The following GRID2 variants were observed in gnomAD, a reference collection of about 807,000 sequenced individuals.
The protein encoded by GRID2 is glutamate ionotropic receptor delta type subunit 2, also known as glutamate receptor ionotropic, delta-2.
A neutral mutation model predicts 114.8 loss-of-function variants in GRID2; 33 were observed. The observed-to-expected ratio is 0.29, with a 90% confidence interval of 0.22 to 0.38. The LOEUF (loss-of-function observed/expected upper bound fraction) is 0.38, where lower values mean the gene tolerates loss of function less well. Ranked by LOEUF, GRID2 falls within the 10% of genes least tolerant of loss-of-function variation. The pLI, the probability that GRID2 is intolerant of heterozygous loss-of-function variation, is 1.00. For synonymous variants in GRID2, 505 were observed against 449.9 expected, an observed-to-expected ratio of 1.12 and a Z score of -1.55; for missense variants, 1,184 against 1,257.7, an observed-to-expected ratio of 0.94 and a Z score of 0.89.
chr4:93,132,789 GA>G (rs1734918156), intron 4 of GRID2, among the ~76,000 whole-genome samples: 1 of 152,156 alleles, frequency 6.6e-6, no homozygotes, highest in Admixed American at 6.5e-5. Context: ...AATTCACACA[GA>G]AAAGTGCTCG....
At chr4:93,553,536 T>G (rs1026987124) in intron 13 of GRID2, among the ~76,000 whole-genome samples, 1 of 152,234 alleles carries the variant, frequency 6.6e-6, no homozygotes, top group Non-Finnish European at 1.5e-5. Context: ...TTTCAAATCC[T>G]AATAAAAAGA....
chr4:92,571,781 C>T (rs1475515402), intron 1 of GRID2, among the ~76,000 whole-genome samples: 4 of 152,156 alleles, frequency 2.6e-5, no homozygotes, highest in Admixed American at 6.5e-5. Context: ...TCCTGAATGA[C>T]TACTGGGTAC....
rs570766441 is a variant in GRID2, at chr4:93,188,338, C to T, written c.736-19066C>T. ...ATCATTGTTTACCATCTGTACCTTG[C>T]AGAGAGGCAGCCCAAGCTGTACCTG... On this transcript the variant is annotated intron_variant, in intron 4 of 15. Transcript: ENST00000282020. Among the ~76,000 whole-genome samples, 5 of 152,316 alleles carry T rather than the reference C, an allele frequency of 3.3e-5. No homozygotes were observed. In the South Asian group the frequency reaches 1.0e-3, roughly 32 times the overall value.
At chr4:92,319,215 G>C (rs1243925864) in intron 1 of GRID2, among the ~76,000 whole-genome samples, 1 of 151,770 alleles carries the variant, frequency 6.6e-6, no homozygotes, top group African/African-American at 2.4e-5. Context: ...TGTTATTCTT[G>C]GTTTGATTAA....
At chr4:92,494,003 C>A (rs112701853) in intron 1 of GRID2, among the ~76,000 whole-genome samples, 1 of 152,258 alleles carries the variant, frequency 6.6e-6, no homozygotes, top group African/African-American at 2.4e-5. Context: ...GCTCCTTGCA[C>A]TTCAGCTATT....
intron 1 of GRID2, among the ~76,000 whole-genome samples, chr4:92,566,455 A>C (rs777135322): frequency 2.0e-5 from 3 of 152,126 alleles, no homozygotes; most frequent in Non-Finnish European, 2.9e-5. Flanking sequence ...AATAGGATGC[A>C]TGTTAAGCCT....
At chr4:92,352,701 T>C (rs907722773) in intron 1 of GRID2, among the ~76,000 whole-genome samples, 1 of 152,044 alleles carries the variant, frequency 6.6e-6, no homozygotes, top group African/African-American at 2.4e-5. Context: ...ATTGGTCATT[T>C]GTAGGTTTAT....
At chr4:92,765,119 G>A (rs745434364) in intron 2 of GRID2, among the ~76,000 whole-genome samples, 1 of 152,096 alleles carries the variant, frequency 6.6e-6, no homozygotes, top group Non-Finnish European at 1.5e-5. Context: ...TATATGGAAT[G>A]TCTTTTGAGG....
intron 11 of GRID2, among the ~76,000 whole-genome samples, chr4:93,476,649 G>A (rs1485007): frequency 2.0e-5 from 3 of 152,084 alleles, no homozygotes; most frequent in Non-Finnish European, 4.4e-5. Context: ...AAATGGAACA[G>A]ATATAAGAGC....
At chr4:93,603,287 T>G (rs1185328628) in intron 13 of GRID2, among the ~76,000 whole-genome samples, 23 of 152,128 alleles carry the variant, frequency 1.5e-4, no homozygotes, top group Admixed American at 1.5e-3. Flanking sequence ...TGTAGTGGTG[T>G]TGTTAGAAGA....
intron 1 of GRID2, among the ~76,000 whole-genome samples, chr4:93,792,421 T>A (rs1734713129): frequency 6.6e-6 from 1 of 151,840 alleles, no homozygotes; most frequent in African/African-American, 2.4e-5. Context: ...GAAGGCTGGG[T>A]TTTACCTGAC....
chr4:93,101,037 G>T (rs1039182028), intron 3 of GRID2, among the ~76,000 whole-genome samples: 4 of 151,994 alleles, frequency 2.6e-5, no homozygotes, highest in Admixed American at 6.6e-5. Flanking sequence ...GGCAAGAACT[G>T]TTTTTTGTTT....
intron 2 of GRID2, among the ~76,000 whole-genome samples, chr4:92,669,560 G>A (rs1249320999): frequency 6.6e-6 from 1 of 151,906 alleles, no homozygotes; most frequent in Non-Finnish European, 1.5e-5. Context: ...GTTGGTTTCA[G>A]GGGTGAATAT....
chr4:93,684,791 C>G (rs892267846), intron 14 of GRID2, among the ~76,000 whole-genome samples: 1 of 152,052 alleles, frequency 6.6e-6, no homozygotes, highest in Non-Finnish European at 1.5e-5. Context: ...TGACTTAGCA[C>G]AGTTCTTCCC....
At chr4:93,413,137 G>GTAT (rs1767369472) in intron 9 of GRID2, among the ~76,000 whole-genome samples, 1 of 152,026 alleles carries the variant, frequency 6.6e-6, no homozygotes, top group African/African-American at 2.4e-5. Context: ...GGGTCAAATG[G>GTAT]TATTTCTGGT....
chr4:93,491,906 A>G (rs547649136), intron 12 of GRID2, among the ~76,000 whole-genome samples: 11 of 152,036 alleles, frequency 7.2e-5, no homozygotes, highest in Non-Finnish European at 1.3e-4. Context: ...AGTAATGCTA[A>G]TAAGTAGTCA....
At chr4:93,348,077 A>G (rs1021360994) in intron 8 of GRID2, among the ~76,000 whole-genome samples, 2 of 152,110 alleles carry the variant, frequency 1.3e-5, no homozygotes, top group South Asian at 2.1e-4. Context: ...TTTGATTAAC[A>G]TTTCTGTAAT....
intron 1 of GRID2, among the ~76,000 whole-genome samples, chr4:93,794,001 C>T (rs1477939049): frequency 6.6e-6 from 1 of 151,692 alleles, no homozygotes; most frequent in Non-Finnish European, 1.5e-5. Flanking sequence ...AAAGATAAAG[C>T]CTTTCTTATT....
Position 92,390,663 on chromosome 4 carries a change from G to C in GRID2, c.88+85919G>C, listed in dbSNP as rs572425885. ...AGGCTATCGTTTTAAATAAAAATTA[G>C]ATACTTTCCCCTCCACTTTGCTCCA... On this transcript the variant is annotated intron_variant, in intron 1 of 15. Transcript: ENST00000282020. Among the ~76,000 whole-genome samples the C allele has an allele frequency of 4.6e-5, 7 of 152,232 alleles. No homozygotes were observed. In the South Asian group the frequency reaches 1.5e-3, roughly 32 times the overall value.
Sources: gnomAD v4.1 joint callset for allele counts (sites outside exome capture counted in the v4.1 genomes callset) on GRCh38, gnomAD v4.1.1 for gene constraint, MANE v1.5 for transcripts, NCBI Gene and HGNC (gene_info 2026-07-23, HGNC 2026-07-21) for gene names.